Variants in RAB23 observed in about 807,000 individuals in gnomAD.
RAB23 encodes the protein ras-related protein Rab-23.
Under a neutral mutation model 30.0 loss-of-function variants are expected in RAB23, and 15 were observed. That is an observed-to-expected ratio of 0.50 (90% CI 0.33 to 0.77). RAB23 has a LOEUF of 0.77. Ranked by LOEUF, RAB23 falls within the 30% of genes least tolerant of loss-of-function variation. The probability of loss-of-function intolerance (pLI) is 0.02; values close to 1 mark genes in which losing one functional copy is unlikely to be tolerated. For missense variants in RAB23, 243 were observed against 275.4 expected, an observed-to-expected ratio of 0.88 and a Z score of 0.83; for synonymous variants, 93 against 94.0, an observed-to-expected ratio of 0.99 and a Z score of 0.06.
chr6:57,207,799 C>G, intron 2 of RAB23, 86 bp from the exon 3 acceptor site: 1 of 922,916 alleles, frequency 1.1e-6, no homozygotes, highest in Non-Finnish European at 1.7e-6. Context: ...TTTTCAAATC[C>G]AAAGATATTA....
At position 57,216,856 on chromosome 6, in the gene RAB23, G is replaced by A. The variant is rs565842620; in HGVS notation, c.-66+4870C>T. Reference sequence around the variant, plus strand: ...TGCCGCGGCATTTATAAATTGTCACGGTGCTGATGGCAGTAACCTTTAGTA... The same window carrying A: ...TGCCGCGGCATTTATAAATTGTCACAGTGCTGATGGCAGTAACCTTTAGTA... On this transcript the variant is annotated intron_variant, in intron 1 of 6. Coordinates refer to ENST00000468148, the MANE Select transcript of RAB23 (RefSeq NM_016277.5). 4.0e-4 allele frequency among the ~76,000 whole-genome samples: 55 copies of A among 138,694 alleles called. 1 individual carries two copies. The highest frequency in any genetic ancestry group is 1.3e-3 in the African/African-American group (54 of 40,346). 91.0% of individuals were successfully genotyped at this position (138,694 alleles called of 152,430 possible).
At chr6:57,202,766 A>C (rs770924696) in intron 3 of RAB23, among the ~76,000 whole-genome samples, 3 of 152,226 alleles carry the variant, frequency 2.0e-5, no homozygotes, top group Non-Finnish European at 4.4e-5. Flanking sequence ...AAAGCATTCT[A>C]ATGGAACCCC....
At chr6:57,221,680 C>T (rs1027436203) in intron 1 of RAB23, 46 bp downstream of exon 1, 1 of 152,320 alleles carries the variant, frequency 6.6e-6, no homozygotes, top group African/African-American at 2.4e-5. Context: ...GCGCCGCCCT[C>T]GCTCCACCCC....
In RAB23 at chr6:57,218,929, T is replaced by C. The variant is rs964730604; in HGVS notation, c.-66+2797A>G. Among the ~76,000 whole-genome samples the C allele has an allele frequency of 2.6e-5, 4 of 152,002 alleles. No homozygotes were observed. The East Asian group carries it at 5.8e-4, about 22-fold the overall frequency. Reference sequence around the variant, plus strand: ...GAAGACAGACTGCTTTCCCCTCACATTGGGAACAAGGTAAGGATATATATT... The same window carrying C: ...GAAGACAGACTGCTTTCCCCTCACACTGGGAACAAGGTAAGGATATATATT... On this transcript the variant is annotated intron_variant, in intron 1 of 6. Transcript: ENST00000468148.
In RAB23 at chr6:57,188,384, C is replaced by T. The variant is rs531551077; in HGVS notation, c.*2077G>A. 1 of 152,020 alleles carries T rather than the reference C, an allele frequency of 6.6e-6. No homozygotes were observed. The highest frequency in any genetic ancestry group is 1.5e-5 in the Non-Finnish European group (1 of 67,974). The allele number at this position is 152,020 out of a possible 1,614,324, so 9.4% of individuals were successfully genotyped here. A position where few individuals can be genotyped will look rare whatever the true frequency, so the allele number is the denominator to read the frequency against. On this transcript the variant is annotated 3_prime_UTR_variant, in exon 7 of 7. Coordinates refer to ENST00000468148, the MANE Select transcript of RAB23 (RefSeq NM_016277.5). Reference sequence around the variant, plus strand: ...ATTTAAAAAAAGATAAAACTAGGTACATAAAATTATATTACAGGAACTGTA... The same window carrying T: ...ATTTAAAAAAAGATAAAACTAGGTATATAAAATTATATTACAGGAACTGTA...
At chr6:57,207,173 A>G (rs1414399792) in intron 3 of RAB23, among the ~76,000 whole-genome samples, 4 of 152,264 alleles carry the variant, frequency 2.6e-5, no homozygotes. Flanking sequence ...TAAATTCTTT[A>G]GTCATGGTTC....
chr6:57,196,504 G>A lies in RAB23; in HGVS notation c.344C>T (p.Pro115Leu). The change falls in exon 4 of 7, where the codon CCA (proline) becomes CTA (leucine). Residue 115 changes from proline (P) to leucine (L), a missense_variant. Coordinates refer to ENST00000468148, the MANE Select transcript of RAB23 (RefSeq NM_016277.5). ...AATCTTGTTTTGCACAAGTACAGTT[G>A]GTATATCTCCCACTTCGGCTACTAC... ...EKVVAEVGDIPTVLVQNKIDL... is the reference protein window; with the variant it reads ...EKVVAEVGDILTVLVQNKIDL... The A allele has an allele frequency of 1.2e-6, 2 of 1,613,898 alleles. No individual in the cohort carries two copies. The highest frequency in any genetic ancestry group is 1.7e-6 in the Non-Finnish European group (2 of 1,179,922).
At chr6:57,198,386 T>A (rs377378211) in intron 3 of RAB23, among the ~76,000 whole-genome samples, 2 of 152,018 alleles carry the variant, frequency 1.3e-5, no homozygotes, top group South Asian at 4.2e-4. Context: ...TGGTGGCGGG[T>A]GCCTGTAGTC....
At chr6:57,200,044 TA>T (rs200548137) in intron 3 of RAB23, among the ~76,000 whole-genome samples, 158 of 151,522 alleles carry the variant, frequency 1.0e-3, no homozygotes, top group African/African-American at 3.6e-3. Flanking sequence ...CACCCTTTTT[TA>T]AAAAAAAACT....
chr6:57,217,172 T>G (rs1014063787), intron 1 of RAB23, among the ~76,000 whole-genome samples: 2 of 151,052 alleles, frequency 1.3e-5, no homozygotes, highest in African/African-American at 2.4e-5. Flanking sequence ...GCACACACTT[T>G]TCAAATAATC....
intron 3 of RAB23, among the ~76,000 whole-genome samples, chr6:57,205,725 G>C (rs1765434794): frequency 6.6e-6 from 1 of 152,200 alleles, no homozygotes; most frequent in Middle Eastern, 3.2e-3. Flanking sequence ...GATTTCTCAA[G>C]GGTGAAGTAC....
At chr6:57,204,826 T>C (rs1454224826) in intron 3 of RAB23, among the ~76,000 whole-genome samples, 2 of 152,072 alleles carry the variant, frequency 1.3e-5, no homozygotes, top group Admixed American at 1.3e-4. Flanking sequence ...ATTTTCTGAA[T>C]AAAACTTCAA....
intron 1 of RAB23, among the ~76,000 whole-genome samples, chr6:57,213,856 G>C (rs1765742712): frequency 6.6e-6 from 1 of 151,950 alleles, no homozygotes; most frequent in African/African-American, 2.4e-5. Flanking sequence ...CAAAGGACCA[G>C]GAAAGGGGCA....
chr6:57,203,011 T>G (rs1314860532), intron 3 of RAB23, among the ~76,000 whole-genome samples: 4 of 141,450 alleles, frequency 2.8e-5, no homozygotes, highest in South Asian at 2.4e-4. Flanking sequence ...TTTTTTTTTT[T>G]TTTTTTTTTT....
intron 1 of RAB23, among the ~76,000 whole-genome samples, chr6:57,210,707 G>C (rs758624577): frequency 1.3e-5 from 2 of 152,104 alleles, no homozygotes; most frequent in Non-Finnish European, 2.9e-5. Context: ...ATGATGACTA[G>C]GATCATTAGA....
At chr6:57,198,765 AT>A (rs1765125658) in intron 3 of RAB23, among the ~76,000 whole-genome samples, 1 of 152,182 alleles carries the variant, frequency 6.6e-6, no homozygotes, top group Non-Finnish European at 1.5e-5. Context: ...TGTCATTTAA[AT>A]TTGAGGGCAC....
chr6:57,207,476 G>T (rs1449145767), intron 3 of RAB23, 152 bp downstream of exon 3: 1 of 597,842 alleles, frequency 1.7e-6, no homozygotes, highest in Admixed American at 2.8e-5. Flanking sequence ...ATCTTTAGAA[G>T]AATAATGAAC....
Position 57,207,547 on chromosome 6 carries a change from G to A in RAB23, c.241+81C>T, listed in dbSNP as rs1300401091. On this transcript the variant is annotated intron_variant, in intron 3 of 6. Transcript: ENST00000468148. ...TATTCTTCAAGAGAAGCCCTTATAC[G>A]GGAAACAAAGAAAGCAAAATTATTT... 3.6e-5 allele frequency: 35 copies of A among 982,792 alleles called. 1 individual carries two copies. The highest frequency in any genetic ancestry group is 3.2e-4 in the South Asian group (24 of 75,076). The allele number at this position is 982,792 out of a possible 1,614,324, so 60.9% of individuals were successfully genotyped here.
Position 57,189,674 on chromosome 6 carries a change from T to C in RAB23, c.*787A>G, listed in dbSNP as rs1764758676. ...ACGCTGTCAGATGAAAACTGCTTACTGCTTTTAAAAGATATAATAAACAAT... is the reference window on the plus strand; with the variant it reads ...ACGCTGTCAGATGAAAACTGCTTACCGCTTTTAAAAGATATAATAAACAAT... On this transcript the variant is annotated 3_prime_UTR_variant, in exon 7 of 7. Transcript: ENST00000468148. The C allele has an allele frequency of 6.6e-6, 1 of 152,662 alleles. No individual in the cohort carries two copies. The highest frequency in any genetic ancestry group is 1.5e-5 in the Non-Finnish European group (1 of 68,046). The allele number at this position is 152,662 out of a possible 1,614,324, so 9.5% of individuals were successfully genotyped here.
Sources: allele counts gnomAD v4.1 joint callset (sites outside exome capture counted in the v4.1 genomes callset), GRCh38; gene constraint gnomAD v4.1.1; transcripts MANE v1.5; gene names NCBI Gene and HGNC (gene_info 2026-07-23, HGNC 2026-07-21).